The following ARHGEF10L variants were observed in gnomAD, a reference collection of about 807,000 sequenced individuals.
ARHGEF10L encodes the protein Rho guanine nucleotide exchange factor 10 like.
In ARHGEF10L, 69 loss-of-function variants were observed where a neutral mutation model predicts 141.2. That is an observed-to-expected ratio of 0.49 (90% CI 0.40 to 0.60). The LOEUF (loss-of-function observed/expected upper bound fraction) is 0.60, where lower values mean the gene tolerates loss of function less well. Among genes scored for constraint, ARHGEF10L ranks in the 20% least tolerant of loss-of-function variants. ARHGEF10L has a pLI of 0.00. For synonymous variants in ARHGEF10L, 711 were observed against 718.5 expected (o/e 0.99, Z 0.17); for missense variants, 1,482 against 1,734.3 (o/e 0.85, Z 2.58).
At chr1:17,610,900 C>T (rs1022269002) in intron 7 of ARHGEF10L, among the ~76,000 whole-genome samples, 1 of 151,962 alleles carries the variant, frequency 6.6e-6, no homozygotes, top group African/African-American at 2.4e-5. Flanking sequence ...GCAGCTGCCT[C>T]ATCCTGTTAT....
intron 26 of ARHGEF10L, among the ~76,000 whole-genome samples, chr1:17,679,717 C>T (rs774785165): frequency 2.0e-5 from 3 of 152,212 alleles, no homozygotes; most frequent in Non-Finnish European, 4.4e-5. Flanking sequence ...GCGGACGTGA[C>T]CCCGGGTCTG....
intron 19 of ARHGEF10L, 34 bp from the exon 20 acceptor site, chr1:17,638,528 T>C (rs1317186124): frequency 1.2e-6 from 2 of 1,613,542 alleles, no homozygotes; most frequent in African/African-American, 1.3e-5. Flanking sequence ...GCCAGTGTGC[T>C]GTGTGGTGAC....
intron 1 of ARHGEF10L, among the ~76,000 whole-genome samples, chr1:17,574,492 C>A (rs1365977918): frequency 1.3e-5 from 2 of 152,194 alleles, no homozygotes; most frequent in African/African-American, 4.8e-5. Flanking sequence ...CATTACAAAC[C>A]TACCAGTGTT....
chr1:17,652,590 AGTCTATTCT>A (rs1188262450), intron 22 of ARHGEF10L, among the ~76,000 whole-genome samples: 3 of 152,142 alleles, frequency 2.0e-5, no homozygotes, highest in Non-Finnish European at 4.4e-5. Flanking sequence ...AGGACACCGG[AGTCTATTCT>A]GTGGCATTTC....
At chr1:17,552,844 T>C (rs2077167547) in intron 1 of ARHGEF10L, among the ~76,000 whole-genome samples, 1 of 152,102 alleles carries the variant, frequency 6.6e-6, no homozygotes, top group Non-Finnish European at 1.5e-5. Context: ...AGCTAGTAAA[T>C]GGCAGAATTT....
intron 23 of ARHGEF10L, among the ~76,000 whole-genome samples, chr1:17,655,426 G>A (rs1174507867): frequency 2.0e-5 from 3 of 148,836 alleles, no homozygotes; most frequent in Admixed American, 2.0e-4. Context: ...CCATCTATCT[G>A]TCTATCATCT....
At chr1:17,565,850 C>T (rs1045779505) in intron 1 of ARHGEF10L, among the ~76,000 whole-genome samples, 1 of 152,110 alleles carries the variant, frequency 6.6e-6, no homozygotes, top group Non-Finnish European at 1.5e-5. Flanking sequence ...TGTACATATT[C>T]CCCCTCCCTC....
At chr1:17,537,497 A>G (rs1197336694), upstream of ARHGEF10L, among the ~76,000 whole-genome samples, 3 of 152,212 alleles carry the variant, frequency 2.0e-5, no homozygotes, top group African/African-American at 7.2e-5. Flanking sequence ...AGATGGGTCA[A>G]ATCAGTTATG....
chr1:17,686,102 C>T (rs554584099), intron 26 of ARHGEF10L, among the ~76,000 whole-genome samples: 2 of 135,766 alleles, frequency 1.5e-5, no homozygotes, highest in Admixed American at 7.0e-5. Flanking sequence ...TTCTTTCTTT[C>T]TTTCTTTTTT....
intron 16 of ARHGEF10L, among the ~76,000 whole-genome samples, chr1:17,632,979 G>A (rs1320907354): frequency 6.6e-6 from 1 of 152,240 alleles, no homozygotes; most frequent in Non-Finnish European, 1.5e-5. Context: ...CTGTGCCTGG[G>A]AGCCGGAGCC....
intron 9 of ARHGEF10L, chr1:17,618,264 C>T: frequency 7.6e-7 from 1 of 1,321,262 alleles, no homozygotes; most frequent in African/African-American, 1.6e-5. Flanking sequence ...CCCTCCCCAC[C>T]CCGCCCACAA....
In ARHGEF10L at chr1:17,588,466, C is replaced by G. The variant is rs767114186; in HGVS notation, c.244C>G (p.Pro82Ala). The G allele has an allele frequency of 4.3e-6, 7 of 1,613,858 alleles. No individual in the cohort carries two copies. The African/African-American group carries it at 6.7e-5, about 15-fold the overall frequency. Reference sequence around the variant, plus strand: ...TGCAGACCCAGACCCAGCAGCTGCTCCACCCGGCACAGGGTAAGTGAACCT... The same window carrying G: ...TGCAGACCCAGACCCAGCAGCTGCTGCACCCGGCACAGGGTAAGTGAACCT... ...PVTDPDPAAA[P>A]PGTGVPAWVS... Residue 82 changes from proline (P) to alanine (A), a missense_variant, in exon 4 of 29, where the codon CCA (proline) becomes GCA (alanine). Pro to Ala is a conservative substitution (Grantham distance 27). Around this residue, in one of 3 missense-constraint regions of ARHGEF10L, gnomAD observed 232 missense variants for 225.9 expected, o/e 1.03. Coordinates refer to ENST00000361221, the MANE Select transcript of ARHGEF10L (RefSeq NM_018125.4).
chr1:17,549,044 ATGGAGTGTTGCTCTGTCACCCCGGC>A (rs2077017485), intron 1 of ARHGEF10L, among the ~76,000 whole-genome samples: 1 of 150,158 alleles, frequency 6.7e-6, no homozygotes, highest in African/African-American at 2.5e-5. Flanking sequence ...TGTTTTTGAG[ATGGAGTGTTGCTCTGTCACCCCGGC>A]TGGAGTGTGA....
At position 17,634,838 on chromosome 1, in the gene ARHGEF10L, C is replaced by T. The variant is rs1343480721; in HGVS notation, c.1749C>T (p.Gly583=). The T allele has an allele frequency of 1.2e-6, 2 of 1,612,114 alleles. No homozygotes were observed. Among genetic ancestry groups the T allele is most frequent in the Admixed American group, 1.7e-5 (1 of 59,798 alleles). ...NINFKPANHR[G]QLEISSLVPL... ...CTTGTCCTCTCTGTTCCAACAGGGG[C>T]CAGCTGGAGATCAGCAGCCTGGTGC... is the stretch of plus-strand genomic sequence containing the variant. The change falls in exon 18 of 29, where the codon GGC becomes GGT. Residue 583 remains glycine, a synonymous_variant. Coordinates refer to ENST00000361221, the MANE Select transcript of ARHGEF10L (RefSeq NM_018125.4).
chr1:17,672,391 G>A (rs1396990414), intron 26 of ARHGEF10L, among the ~76,000 whole-genome samples: 4 of 152,078 alleles, frequency 2.6e-5, no homozygotes, highest in South Asian at 2.1e-4. Flanking sequence ...AAATTCAGGC[G>A]CAGGGCTTCT....
In ARHGEF10L at chr1:17,697,433, C is replaced by G; in HGVS notation, c.*53C>G. 6.5e-7 allele frequency: 1 copy of G among 1,531,972 alleles called. No individual in the cohort carries two copies. Among genetic ancestry groups the G allele is most frequent in the Non-Finnish European group, 8.8e-7 (1 of 1,137,740 alleles). The allele number at this position is 1,531,972 out of a possible 1,614,324, so 94.9% of individuals were successfully genotyped here. The stretch of plus-strand genomic sequence containing the variant: ...AGCTGCAGGCCTGACCAAGGCCACG[C>G]CCGGCTCTCGTGCTCTAGGACCTGC... On this transcript the variant is annotated 3_prime_UTR_variant, in exon 29 of 29. Coordinates refer to ENST00000361221, the MANE Select transcript of ARHGEF10L (RefSeq NM_018125.4). This position sits in a 1 kb window ranked among gnomAD's most constrained non-coding sequence, Gnocchi z 4.8.
intron 6 of ARHGEF10L, among the ~76,000 whole-genome samples, chr1:17,606,263 C>T (rs1421041620): frequency 6.6e-6 from 1 of 152,082 alleles, no homozygotes; most frequent in Admixed American, 6.6e-5. Context: ...TCAGCACAGT[C>T]GTTTCTGAGC....
intron 1 of ARHGEF10L, among the ~76,000 whole-genome samples, chr1:17,552,878 G>C (rs1271363657): frequency 1.3e-5 from 2 of 152,110 alleles, no homozygotes; most frequent in Non-Finnish European, 2.9e-5. Context: ...TAACTCTGGA[G>C]CCCTCCCCTG....
chr1:17,612,606 C>T (rs942063345), intron 7 of ARHGEF10L, among the ~76,000 whole-genome samples: 6 of 152,228 alleles, frequency 3.9e-5, no homozygotes, highest in Admixed American at 3.3e-4. Context: ...TCCATTTATC[C>T]CCCAACCTCA....
Sources: gnomAD v4.1 joint callset for allele counts (sites outside exome capture counted in the v4.1 genomes callset) on GRCh38, gnomAD v4.1.1 for gene constraint, gnomAD v4.1.1 regional missense constraint, Gnocchi (gnomAD v3.1) non-coding constraint, MANE v1.5 for transcripts, NCBI Gene and HGNC (gene_info 2026-07-23, HGNC 2026-07-21) for gene names.